The following ARID3A variants were observed in gnomAD, a reference collection of about 807,000 sequenced individuals.
The protein encoded by ARID3A is AT-rich interactive domain-containing protein 3A.
ARID3A carries 11 observed loss-of-function variants against 52.7 expected under a neutral mutation model. The ratio of observed to expected loss-of-function variants is 0.21; its 90% confidence interval spans 0.13 to 0.35. The LOEUF (loss-of-function observed/expected upper bound fraction) is 0.35. ARID3A is among the 10% of genes least tolerant of loss of function. The pLI, the probability that ARID3A is intolerant of heterozygous loss-of-function variation, is 1.00. For synonymous variants in ARID3A, 404 were observed against 359.4 expected (o/e 1.12, Z -1.40); for missense variants, 721 against 838.5 (o/e 0.86, Z 1.73).
rs115627636 is a variant in ARID3A, at chr19:929,969, A to C, written c.368+73A>C. The C allele has an allele frequency of 1.3e-3, 1,966 of 1,523,026 alleles. 28 individuals carry two copies. The African/African-American group carries it at 0.023, about 18-fold the overall frequency. 94.3% of individuals were successfully genotyped at this position (1,523,026 alleles called of 1,614,324 possible). On this transcript the variant is annotated intron_variant, in intron 2 of 8. Transcript: ENST00000263620. The surrounding 1 kb of genome is among the most constrained non-coding windows in gnomAD (Gnocchi z 6.2). ...TGAGTGTCACTCTGCTCATCTGCAGAATGGGAGTAAGGGTCAGGTCGCGGG... is the reference window on the plus strand; with the variant it reads ...TGAGTGTCACTCTGCTCATCTGCAGCATGGGAGTAAGGGTCAGGTCGCGGG...
At chr19:939,911 G>A (rs532989305) in intron 3 of ARID3A, among the ~76,000 whole-genome samples, 21 of 152,178 alleles carry the variant, frequency 1.4e-4, no homozygotes, top group Non-Finnish European at 2.5e-4. Context: ...GTCGTGCCCC[G>A]GAGACCCCCA....
rs59831715 is a variant in ARID3A, at chr19:960,297, G to A, written c.766+133G>A. The A allele has an allele frequency of 6.3e-4, 468 of 743,890 alleles. 6 individuals carry two copies. In the East Asian group the frequency reaches 0.012, roughly 19 times the overall value. The allele number at this position is 743,890 out of a possible 1,614,324, so 46.1% of individuals were successfully genotyped here. A position where few individuals can be genotyped will look rare whatever the true frequency, so the allele number is the denominator to read the frequency against. Reference sequence around the variant, plus strand: ...TGGAGGCATCCAAGGCTCCTAAATCGGGAGGGACTTCAGGGGTGTCTTGGG... The same window carrying A: ...TGGAGGCATCCAAGGCTCCTAAATCAGGAGGGACTTCAGGGGTGTCTTGGG... On this transcript the variant is annotated intron_variant, in intron 4 of 8. Transcript: ENST00000263620. This position sits in a 1 kb window ranked among gnomAD's most constrained non-coding sequence, Gnocchi z 4.3.
Position 964,401 on chromosome 19 carries a change from T to C in ARID3A, c.920T>C (p.Ile307Thr). 6.2e-7 allele frequency: 1 copy of C among 1,608,870 alleles called. No individual in the cohort carries two copies. Among genetic ancestry groups the C allele is most frequent in the Non-Finnish European group, 8.5e-7 (1 of 1,177,604 alleles). The change falls in exon 5 of 9, where the codon ATC (isoleucine) becomes ACC (threonine). Residue 307 changes from isoleucine to threonine, a missense_variant. Ile to Thr is a moderately conservative substitution (Grantham distance 89). Coordinates refer to ENST00000263620, the MANE Select transcript of ARID3A (RefSeq NM_005224.3). The surrounding 1 kb of genome is among the most constrained non-coding windows in gnomAD (Gnocchi z 5.7). ...ITKGLNLPTS[I>T]TSAAFTLRTQ... ...AAGGGCCTCAACCTGCCCACGTCCA[T>C]CACCAGTGCAGCCTTCACCCTGCGG...
At chr19:961,993 T>C (rs1044757180) in intron 4 of ARID3A, 1 of 152,146 alleles carries the variant, frequency 6.6e-6, no homozygotes, top group Admixed American at 6.5e-5. Flanking sequence ...CGTGGGGCCG[T>C]GAGGGTTGGT....
rs1268479465 is a variant in ARID3A at position 968,415 on chromosome 19, C to T, written c.1506C>T (p.Ser502=). 2.4e-5 allele frequency: 38 copies of T among 1,612,782 alleles called. No individual in the cohort carries two copies. Among genetic ancestry groups the T allele is most frequent in the Non-Finnish European group, 3.1e-5 (37 of 1,179,440 alleles). ...TTCTTCTTCCCACAGCCTCCGAAAGCCGCCAGGACTCTGCTGTGAACCTGA... is the reference window on the plus strand; with the variant it reads ...TTCTTCTTCCCACAGCCTCCGAAAGTCGCCAGGACTCTGCTGTGAACCTGA... ...SIRINSQASE[S]RQDSAVNLTG... Residue 502 remains serine (S), a synonymous_variant, in exon 8 of 9, where the codon AGC becomes AGT. Transcript: ENST00000263620.
At chr19:950,722 C>A (rs2037787835) in intron 3 of ARID3A, among the ~76,000 whole-genome samples, 1 of 152,170 alleles carries the variant, frequency 6.6e-6, no homozygotes, top group Admixed American at 6.5e-5. Flanking sequence ...AAGGAGAGGG[C>A]ATCTCATTTA....
At position 959,728 on chromosome 19, in the gene ARID3A, G is replaced by A. The variant is rs948820620; in HGVS notation, c.694-364G>A. Among the ~76,000 whole-genome samples, 1 of 151,818 alleles carries A rather than the reference G, an allele frequency of 6.6e-6. No homozygotes were observed. The highest frequency in any genetic ancestry group is 1.5e-5 in the Non-Finnish European group (1 of 67,916). ...TGTCCTGAGAAGAGGAGAGAGAGAC[G>A]GGGAGACGGTCTTGTGGAGACGGAG... is the stretch of plus-strand genomic sequence containing the variant. On this transcript the variant is annotated intron_variant, in intron 3 of 8. Transcript: ENST00000263620. This position sits in a 1 kb window ranked among gnomAD's most constrained non-coding sequence, Gnocchi z 5.0.
intron 3 of ARID3A, among the ~76,000 whole-genome samples, chr19:934,399 T>C (rs2037397345): frequency 6.6e-6 from 1 of 152,190 alleles, no homozygotes; most frequent in African/African-American, 2.4e-5. Flanking sequence ...CCGCAGCATG[T>C]CCTGAGCGAA....
chr19:943,917 T>TA (rs1278034460), intron 3 of ARID3A, among the ~76,000 whole-genome samples: 3 of 152,010 alleles, frequency 2.0e-5, no homozygotes, highest in Non-Finnish European at 4.4e-5. Flanking sequence ...CATGGGCACT[T>TA]ACGGGGCACC....
At chr19:930,793 G>A (rs556301023) in intron 2 of ARID3A, among the ~76,000 whole-genome samples, 30 of 151,794 alleles carry the variant, frequency 2.0e-4, no homozygotes, top group African/African-American at 5.3e-4. Flanking sequence ...ACAGGCGTGA[G>A]CCACCACACC....
Position 932,611 on chromosome 19 carries a change from G to T in ARID3A, c.562G>T (p.Val188Phe). 6.6e-7 allele frequency: 1 copy of T among 1,520,358 alleles called. No individual in the cohort carries two copies. The allele number at this position is 1,520,358 out of a possible 1,614,324, so 94.2% of individuals were successfully genotyped here. ...ACCCCAGGCCTTCCGCGGCGATGGC[G>T]TTCCCAGGGTGCTGGGGGGCCAGGA... The part of the protein sequence containing the change: ...QPPQAFRGDG[V>F]PRVLGGQERP... The change falls in exon 3 of 9, where the codon GTT (valine) becomes TTT (phenylalanine). Residue 188 changes from valine (V) to phenylalanine (F), a missense_variant. Val to Phe is a conservative substitution (Grantham distance 50). This residue lies in a region of ARID3A where 349 missense variants were observed against 297.3 expected (regional missense o/e 1.17). Coordinates refer to ENST00000263620, the MANE Select transcript of ARID3A (RefSeq NM_005224.3).
At chr19:933,410 C>T (rs550794417) in intron 3 of ARID3A, among the ~76,000 whole-genome samples, 16 of 152,088 alleles carry the variant, frequency 1.1e-4, no homozygotes, top group Non-Finnish European at 1.6e-4. Flanking sequence ...GAAGTTGGGC[C>T]GTGCTGGGCC....
At chr19:940,349 G>T (rs2145381032) in intron 3 of ARID3A, among the ~76,000 whole-genome samples, 1 of 152,130 alleles carries the variant, frequency 6.6e-6, no homozygotes. Flanking sequence ...GTACGCGTTT[G>T]CACTGGGCCG....
chr19:953,718 A>C (rs1887936392), intron 3 of ARID3A, among the ~76,000 whole-genome samples: 1 of 152,098 alleles, frequency 6.6e-6, no homozygotes, highest in African/African-American at 2.4e-5. Flanking sequence ...CGGGAGCTGC[A>C]TTCCAGGCAG....
chr19:935,480 G>C (rs74897478), intron 3 of ARID3A, among the ~76,000 whole-genome samples: 1 of 152,106 alleles, frequency 6.6e-6, no homozygotes, highest in African/African-American at 2.4e-5. Flanking sequence ...GATTTTATTG[G>C]ATTATTATTA....
chr19:952,270 C>T (rs114628624), intron 3 of ARID3A, among the ~76,000 whole-genome samples: 7,096 of 151,688 alleles, frequency 0.047, 319 homozygotes, highest in Admixed American at 0.1. Context: ...CATAGCAAGA[C>T]CCCATCTCTA....
At chr19:962,121 G>T (rs1007651380) in intron 4 of ARID3A, among the ~76,000 whole-genome samples, 3 of 152,136 alleles carry the variant, frequency 2.0e-5, no homozygotes, top group African/African-American at 7.2e-5. Flanking sequence ...TCCTCCAGGA[G>T]CTTCCTGCTC....
chr19:956,784 C>T (rs1159959146), intron 3 of ARID3A: 2 of 152,518 alleles, frequency 1.3e-5, no homozygotes, highest in African/African-American at 4.8e-5. Context: ...GCCTCCAATA[C>T]ACAGACGGGG....
Position 960,823 on chromosome 19 carries a change from C to T in ARID3A, c.766+659C>T, listed in dbSNP as rs761072433. On this transcript the variant is annotated intron_variant, in intron 4 of 8. Coordinates refer to ENST00000263620, the MANE Select transcript of ARID3A (RefSeq NM_005224.3). The surrounding 1 kb of genome is among the most constrained non-coding windows in gnomAD (Gnocchi z 4.3). ...ACCAACGGTATACCAGGCTCTGTGC[C>T]CCCAAAGTCTCCTGGCCTAGAGAGG... Among the ~76,000 whole-genome samples, 78 of 152,284 alleles carry T rather than the reference C, an allele frequency of 5.1e-4. No individual in the cohort carries two copies. The highest frequency in any genetic ancestry group is 1.2e-3 in the Admixed American group (19 of 15,298).
Sources: allele counts gnomAD v4.1 joint callset (sites outside exome capture counted in the v4.1 genomes callset), GRCh38; gene constraint gnomAD v4.1.1; regional missense constraint gnomAD v4.1.1; non-coding constraint Gnocchi (gnomAD v3.1); transcripts MANE v1.5; gene names NCBI Gene and HGNC (gene_info 2026-07-23, HGNC 2026-07-21).